The following PPARG variants were observed in gnomAD, a reference collection of about 807,000 sequenced individuals.
PPARG encodes the protein peroxisome proliferator activated receptor gamma, also known as peroxisome proliferator-activated receptor gamma.
In PPARG, 17 loss-of-function variants were observed where a neutral mutation model predicts 39.2. The observed-to-expected ratio is 0.43, with a 90% CI of 0.30 to 0.65. The LOEUF (loss-of-function observed/expected upper bound fraction) is 0.65. Ranked by LOEUF, PPARG falls within the 30% of genes least tolerant of loss-of-function variation. PPARG has a pLI of 0.13. For synonymous variants in PPARG, 223 were observed against 215.7 expected, an observed-to-expected ratio of 1.03 and a Z score of -0.30; for missense variants, 406 against 585.9, an observed-to-expected ratio of 0.69 and a Z score of 3.17.
intron 2 of PPARG, among the ~76,000 whole-genome samples, chr3:12,358,084 A>G (rs1476195400): frequency 2.0e-5 from 3 of 152,230 alleles, no homozygotes; most frequent in African/African-American, 4.8e-5. Flanking sequence ...ACCAGGCACA[A>G]ATATGTTTTG....
chr3:12,424,574 CT>C (rs2051373114), intron 7 of PPARG, among the ~76,000 whole-genome samples: 1 of 152,214 alleles, frequency 6.6e-6, no homozygotes, highest in African/African-American at 2.4e-5. Flanking sequence ...GCCTTCCAGA[CT>C]GGCACAGTTC....
intron 2 of PPARG, among the ~76,000 whole-genome samples, chr3:12,332,380 T>C (rs902470732): frequency 6.6e-6 from 1 of 152,330 alleles, no homozygotes. Flanking sequence ...ACTGTAGATA[T>C]AAAAAATGTT....
At chr3:12,341,766 G>A (rs13085211) in intron 2 of PPARG, among the ~76,000 whole-genome samples, 20,676 of 152,100 alleles carry the variant, frequency 0.14, 1,474 homozygotes, top group African/African-American at 0.18. Flanking sequence ...CTATGATCGC[G>A]CTGCTGCACT....
chr3:12,325,765 C>A (rs2047678286), intron 2 of PPARG, among the ~76,000 whole-genome samples: 1 of 150,986 alleles, frequency 6.6e-6, no homozygotes, highest in African/African-American at 2.4e-5. Context: ...TTTTATATCA[C>A]TTAAATTGGT....
At chr3:12,333,695 G>A (rs1240324193) in intron 2 of PPARG, among the ~76,000 whole-genome samples, 2 of 152,066 alleles carry the variant, frequency 1.3e-5, no homozygotes, top group African/African-American at 2.4e-5. Flanking sequence ...CGTCTAGAAG[G>A]CTCCACACTT....
chr3:12,375,243 TGG>T (rs1486097901), intron 2 of PPARG, among the ~76,000 whole-genome samples: 2 of 147,014 alleles, frequency 1.4e-5, no homozygotes, highest in Admixed American at 1.4e-4. Flanking sequence ...GTTGGGGAGG[TGG>T]GAGAGAGAGA....
Position 12,351,626 on chromosome 3 carries a change from C to A in PPARG, c.-8-28078C>A. The A allele has an allele frequency of 5.6e-6, 9 of 1,610,716 alleles. No individual in the cohort carries two copies. In the South Asian group the frequency reaches 8.8e-5, roughly 16 times the overall value. On this transcript the variant is annotated intron_variant, in intron 2 of 7. Coordinates refer to ENST00000651735, the MANE Select transcript of PPARG (RefSeq NM_138711.6). ...AACTCTGGGAGATTCTCCTATTGAC[C>A]CAGAAAGCGATTCCTTCACTGATAC...
intron 7 of PPARG, among the ~76,000 whole-genome samples, chr3:12,426,199 A>T (rs568235832): frequency 6.6e-6 from 1 of 152,336 alleles, no homozygotes; most frequent in South Asian, 2.1e-4. Context: ...GTTATCAGGC[A>T]TAGATAGGGG....
At chr3:12,376,811 C>A (rs969629886) in intron 2 of PPARG, among the ~76,000 whole-genome samples, 1 of 152,118 alleles carries the variant, frequency 6.6e-6, no homozygotes, top group Non-Finnish European at 1.5e-5. Flanking sequence ...AAATATTTAA[C>A]GAGCACCTAC....
chr3:12,349,016 C>A (rs768586869), intron 2 of PPARG, among the ~76,000 whole-genome samples: 1 of 152,172 alleles, frequency 6.6e-6, no homozygotes, highest in Admixed American at 6.5e-5. Flanking sequence ...ATACTGTTTA[C>A]TGGTAGTAAT....
intron 2 of PPARG, among the ~76,000 whole-genome samples, chr3:12,332,484 A>G (rs2047889620): frequency 1.3e-5 from 2 of 152,214 alleles, no homozygotes; most frequent in South Asian, 4.1e-4. Context: ...CATTTGTTCT[A>G]AAGGTAGAAG....
chr3:12,301,274 T>C (rs1030576497), intron 1 of PPARG, among the ~76,000 whole-genome samples: 12 of 152,352 alleles, frequency 7.9e-5, no homozygotes, highest in African/African-American at 2.9e-4. Flanking sequence ...TAACAAACTC[T>C]GCTTAGTACC....
At chr3:12,432,173 C>T (rs189745609) in intron 7 of PPARG, among the ~76,000 whole-genome samples, 27 of 152,294 alleles carry the variant, frequency 1.8e-4, no homozygotes, top group Middle Eastern at 3.4e-3. Flanking sequence ...ATCATTACTG[C>T]GTTGACACAG....
At chr3:12,345,187 T>C (rs1166476761) in intron 2 of PPARG, among the ~76,000 whole-genome samples, 1 of 152,200 alleles carries the variant, frequency 6.6e-6, no homozygotes, top group Non-Finnish European at 1.5e-5. Flanking sequence ...AAAAACATCA[T>C]ACCAGAAGAA....
intron 7 of PPARG, among the ~76,000 whole-genome samples, chr3:12,427,556 A>G (rs1305923678): frequency 2.0e-5 from 3 of 152,178 alleles, no homozygotes; most frequent in South Asian, 2.1e-4. Flanking sequence ...AAGTTCCTCT[A>G]CCTATTTCAT....
chr3:12,316,395 G>A (rs532737774), intron 2 of PPARG, among the ~76,000 whole-genome samples: 160 of 152,154 alleles, frequency 1.1e-3, no homozygotes, highest in African/African-American at 3.5e-3. Context: ...GTCAAATTTC[G>A]TAGAGACAGA....
intron 1 of PPARG, among the ~76,000 whole-genome samples, chr3:12,302,008 T>C (rs372033242): frequency 8.5e-5 from 13 of 152,304 alleles, no homozygotes; most frequent in African/African-American, 1.9e-4. Context: ...ATCATCTGCG[T>C]GAGCCAAGAA....
chr3:12,348,308 A>G (rs1357364540), intron 2 of PPARG, among the ~76,000 whole-genome samples: 1 of 152,178 alleles, frequency 6.6e-6, no homozygotes, highest in Non-Finnish European at 1.5e-5. Context: ...CACAGCTTTT[A>G]TTGGTTGAAT....
intron 5 of PPARG, among the ~76,000 whole-genome samples, chr3:12,404,647 T>C (rs1200377846): frequency 6.6e-6 from 1 of 152,042 alleles, no homozygotes; most frequent in East Asian, 1.9e-4. Flanking sequence ...CTACTAAAAA[T>C]ACAAAACTGA....
Sources: gnomAD v4.1 joint callset for allele counts (sites outside exome capture counted in the v4.1 genomes callset) on GRCh38, gnomAD v4.1.1 for gene constraint, MANE v1.5 for transcripts, NCBI Gene and HGNC (gene_info 2026-07-23, HGNC 2026-07-21) for gene names.